The following KDM4C variants were observed in gnomAD, a reference collection of about 807,000 sequenced individuals.
The protein encoded by KDM4C is lysine-specific demethylase 4C.
In KDM4C, 81 loss-of-function variants were observed where a neutral mutation model predicts 129.3. The ratio of observed to expected loss-of-function variants is 0.63; its 90% CI spans 0.52 to 0.75. The LOEUF (loss-of-function observed/expected upper bound fraction) is 0.75. KDM4C is among the 30% of genes least tolerant of loss of function. The probability of loss-of-function intolerance (pLI) is 0.00; values close to 1 mark genes in which losing one functional copy is unlikely to be tolerated. For synonymous variants in KDM4C, 573 were observed against 456.1 expected (o/e 1.26, Z -3.26); for missense variants, 1,457 against 1,304.0 (o/e 1.12, Z -1.81).
intron 8 of KDM4C, among the ~76,000 whole-genome samples, chr9:6,972,834 C>T (rs1263202612): frequency 1.3e-5 from 2 of 152,222 alleles, no homozygotes; most frequent in East Asian, 3.9e-4. Context: ...CATATTCTTC[C>T]TGATTGATTA....
intron 20 of KDM4C, among the ~76,000 whole-genome samples, chr9:7,168,837 G>A (rs1478043250): frequency 2.0e-5 from 3 of 152,074 alleles, no homozygotes; most frequent in African/African-American, 7.2e-5. Flanking sequence ...GGCCAAGGTG[G>A]GAGAATTGCT....
At chr9:7,014,172 T>A in intron 14 of KDM4C, 171 bp downstream of exon 14, 1 of 587,674 alleles carries the variant, frequency 1.7e-6, no homozygotes, top group Admixed American at 3.1e-5. Flanking sequence ...GGTATATTCA[T>A]CCTTTTTTCA....
At chr9:6,993,552 G>A (rs1477484491) in intron 12 of KDM4C, among the ~76,000 whole-genome samples, 2 of 152,146 alleles carry the variant, frequency 1.3e-5, no homozygotes, top group African/African-American at 4.8e-5. Context: ...GTTGCCATTT[G>A]TTGATATTAT....
intron 8 of KDM4C, among the ~76,000 whole-genome samples, chr9:6,910,373 T>C (rs1819069952): frequency 6.6e-6 from 1 of 152,178 alleles, no homozygotes; most frequent in Non-Finnish European, 1.5e-5. Context: ...TCCTATAGAA[T>C]AGATAATGTT....
chr9:7,132,269 T>G (rs929906195), intron 19 of KDM4C, among the ~76,000 whole-genome samples: 11 of 152,220 alleles, frequency 7.2e-5, no homozygotes, highest in African/African-American at 1.9e-4. Context: ...TTACAAATCA[T>G]TTCATAAACC....
chr9:6,914,449 C>T (rs1002298868), intron 8 of KDM4C, among the ~76,000 whole-genome samples: 3 of 152,134 alleles, frequency 2.0e-5, no homozygotes, highest in African/African-American at 2.4e-5. Flanking sequence ...CTTGTAATAC[C>T]GTTATGATAT....
intron 19 of KDM4C, among the ~76,000 whole-genome samples, chr9:7,164,350 T>TAAAAAAAA (rs113564814): frequency 2.7e-5 from 4 of 148,338 alleles, no homozygotes; most frequent in Non-Finnish European, 3.0e-5. Flanking sequence ...TGCCACGCCT[T>TAAAAAAAA]AAAAAAACAA....
chr9:6,974,408 G>C lies in KDM4C; in HGVS notation c.922-6517G>C, dbSNP rs565050162. On this transcript the variant is annotated intron_variant, in intron 8 of 21. Coordinates refer to ENST00000381309, the MANE Select transcript of KDM4C (RefSeq NM_015061.6). Reference sequence around the variant, plus strand: ...GGAGTCTTACTCTGTCGTCCAGGCTGGAGTGCAGTTGTGCGACCGCGGCTC... The same window carrying C: ...GGAGTCTTACTCTGTCGTCCAGGCTCGAGTGCAGTTGTGCGACCGCGGCTC... 2.6e-3 allele frequency among the ~76,000 whole-genome samples: 397 copies of C among 152,294 alleles called. 1 individual carries two copies. Among genetic ancestry groups the C allele is most frequent in the African/African-American group, 9.1e-3 (377 of 41,556 alleles).
At chr9:6,772,724 G>A (rs1194376106) in intron 1 of KDM4C, among the ~76,000 whole-genome samples, 4 of 121,626 alleles carry the variant, frequency 3.3e-5, no homozygotes, top group Non-Finnish European at 5.1e-5. Context: ...ATGGAGTTTC[G>A]TTCTTTCACC....
At chr9:6,849,012 G>T (rs959430628) in intron 4 of KDM4C, among the ~76,000 whole-genome samples, 1 of 152,304 alleles carries the variant, frequency 6.6e-6, no homozygotes, top group Admixed American at 6.5e-5. Context: ...AATGGATAGG[G>T]ATGGGAGAGA....
intron 1 of KDM4C, among the ~76,000 whole-genome samples, chr9:6,730,646 T>G (rs572031778): frequency 1.1e-4 from 17 of 151,838 alleles, no homozygotes; most frequent in African/African-American, 4.1e-4. Flanking sequence ...TAATAATAAT[T>G]TAATTGAGCA....
chr9:7,059,719 A>G (rs1233926609), intron 17 of KDM4C, among the ~76,000 whole-genome samples: 2 of 152,180 alleles, frequency 1.3e-5, no homozygotes, highest in Non-Finnish European at 2.9e-5. Context: ...TGAGACTCTA[A>G]CTCTCTTTTA....
At chr9:7,023,178 C>G (rs577447099) in intron 15 of KDM4C, among the ~76,000 whole-genome samples, 1 of 152,248 alleles carries the variant, frequency 6.6e-6, no homozygotes, top group Non-Finnish European at 1.5e-5. Context: ...GAAGTGTTCC[C>G]TCATCCTCTA....
chr9:6,986,697 T>C (rs1817775742), intron 11 of KDM4C, 31 bp downstream of exon 11: 1 of 1,472,506 alleles, frequency 6.8e-7, no homozygotes, highest in South Asian at 1.3e-5. Context: ...TTTACCATAT[T>C]CATTATATGG....
At chr9:6,835,673 G>GTTTTGT (rs769580541) in intron 4 of KDM4C, 115 of 728,198 alleles carry the variant, frequency 1.6e-4, no homozygotes, top group South Asian at 1.1e-3. Context: ...TTTTTGTTTT[G>GTTTTGT]TTTTGTTTTT....
chr9:7,077,662 A>T (rs79820259), intron 17 of KDM4C, among the ~76,000 whole-genome samples: 1 of 152,314 alleles, frequency 6.6e-6, no homozygotes, highest in East Asian at 1.9e-4. Context: ...TGGGAGGTCT[A>T]TGACTCCCAG....
intron 15 of KDM4C, among the ~76,000 whole-genome samples, chr9:7,030,697 T>G (rs567695854): frequency 6.6e-6 from 1 of 152,240 alleles, no homozygotes; most frequent in African/African-American, 2.4e-5. Context: ...AAGTACATTG[T>G]ATTTTAAATT....
intron 18 of KDM4C, among the ~76,000 whole-genome samples, chr9:7,106,868 A>C (rs1434035633): frequency 6.6e-6 from 1 of 152,164 alleles, no homozygotes; most frequent in African/African-American, 2.4e-5. Context: ...ATAATTGTAT[A>C]AAATTCATCT....
chr9:7,057,280 C>G (rs954993584), intron 17 of KDM4C, among the ~76,000 whole-genome samples: 1 of 152,204 alleles, frequency 6.6e-6, no homozygotes, highest in Non-Finnish European at 1.5e-5. Context: ...AAGTCTTTAT[C>G]TAACATGAGC....
Sources: gnomAD v4.1 joint callset for allele counts (sites outside exome capture counted in the v4.1 genomes callset) on GRCh38, gnomAD v4.1.1 for gene constraint, MANE v1.5 for transcripts, NCBI Gene and HGNC (gene_info 2026-07-23, HGNC 2026-07-21) for gene names.